The following ZEB1 variants were observed in gnomAD, a reference collection of about 807,000 sequenced individuals.
The protein encoded by ZEB1 is zinc finger E-box binding homeobox 1.
ZEB1 carries 21 observed loss-of-function variants against 84.9 expected under a neutral mutation model. The ratio of observed to expected loss-of-function variants is 0.25; its 90% CI spans 0.18 to 0.36. The LOEUF is 0.36. Among genes scored for constraint, ZEB1 ranks in the 10% least tolerant of loss-of-function variants. The pLI is 1.00. For missense variants in ZEB1, 1,104 were observed against 1,330.2 expected (o/e 0.83, Z 2.65); for synonymous variants, 420 against 471.1 (o/e 0.89, Z 1.41).
intron 2 of ZEB1, among the ~76,000 whole-genome samples, chr10:31,469,605 T>A (rs956617382): frequency 7.6e-4 from 115 of 152,142 alleles, no homozygotes; most frequent in African/African-American, 2.7e-3. Flanking sequence ...CAGTCTGAGA[T>A]CAAACTGCAA....
At chr10:31,497,456 CACGTA>C (rs1267023564) in intron 3 of ZEB1, among the ~76,000 whole-genome samples, 1 of 152,110 alleles carries the variant, frequency 6.6e-6, no homozygotes, top group Non-Finnish European at 1.5e-5. Flanking sequence ...AAATCTCCCC[CACGTA>C]CACAATGATG....
intron 2 of ZEB1, among the ~76,000 whole-genome samples, chr10:31,488,668 A>C (rs1328675805): frequency 6.6e-6 from 1 of 151,138 alleles, no homozygotes; most frequent in East Asian, 1.9e-4. Flanking sequence ...ATTTAATGCT[A>C]TAAATTCCCC....
At chr10:31,363,637 T>G (rs1451537198) in intron 1 of ZEB1, 1 of 1,484,836 alleles carries the variant, frequency 6.7e-7, no homozygotes, top group East Asian at 2.5e-5. Flanking sequence ...CACCTGATCA[T>G]CTAATGAAGG....
At chr10:31,319,399 G>A (rs909916081) in intron 1 of ZEB1, 107 bp downstream of exon 1, 14 of 1,125,960 alleles carry the variant, frequency 1.2e-5, no homozygotes, top group Admixed American at 4.1e-5. Flanking sequence ...GCCGGGGCAG[G>A]GACGGCAAAG....
At chr10:31,491,535 C>G (rs1199629921) in intron 2 of ZEB1, among the ~76,000 whole-genome samples, 1 of 151,752 alleles carries the variant, frequency 6.6e-6, no homozygotes, top group East Asian at 1.9e-4. Flanking sequence ...TTTAAGCTCC[C>G]TTGAATCCAG....
chr10:31,420,761 T>C (rs939779935), intron 1 of ZEB1, among the ~76,000 whole-genome samples: 2 of 152,168 alleles, frequency 1.3e-5, no homozygotes, highest in African/African-American at 4.8e-5. Context: ...TCAGTCATCT[T>C]AGAATTGTGG....
chr10:31,435,356 A>G (rs986852952), intron 1 of ZEB1, among the ~76,000 whole-genome samples: 1 of 152,246 alleles, frequency 6.6e-6, no homozygotes, highest in Non-Finnish European at 1.5e-5. Context: ...GAAATAATAA[A>G]TGTATGCTAT....
chr10:31,363,938 G>A (rs1347208610), intron 1 of ZEB1: 1 of 1,303,036 alleles, frequency 7.7e-7, no homozygotes, highest in South Asian at 1.5e-5. Context: ...GGAGCTGCAG[G>A]GTGAGCCCGG....
At chr10:31,511,837 T>C (rs1421803992) in intron 5 of ZEB1, among the ~76,000 whole-genome samples, 1 of 152,140 alleles carries the variant, frequency 6.6e-6, no homozygotes, top group Admixed American at 6.5e-5. Flanking sequence ...AAAAGAATTG[T>C]AACAGAAAAA....
At chr10:31,501,332 G>T in intron 3 of ZEB1, among the ~76,000 whole-genome samples, 1 of 152,304 alleles carries the variant, frequency 6.6e-6, no homozygotes, top group South Asian at 2.1e-4. Flanking sequence ...TTGGCAGCAC[G>T]CTGGGCTACC....
At chr10:31,514,795 A>C in intron 6 of ZEB1, 87 bp downstream of exon 6, 53 of 1,078,274 alleles carry the variant, frequency 4.9e-5, no homozygotes, top group Middle Eastern at 6.0e-4. Flanking sequence ...TACGTACATG[A>C]TCAGAAACTC....
At chr10:31,370,633 C>T (rs1311673520) in intron 1 of ZEB1, among the ~76,000 whole-genome samples, 1 of 152,000 alleles carries the variant, frequency 6.6e-6, no homozygotes, top group Non-Finnish European at 1.5e-5. Flanking sequence ...TTGCAATTTC[C>T]GGAGCTAATG....
chr10:31,514,486 A>G, intron 5 of ZEB1, 117 bp from the exon 6 acceptor site: 1 of 898,966 alleles, frequency 1.1e-6, no homozygotes, highest in East Asian at 2.7e-5. Context: ...TGAGGTCTTT[A>G]AGAAACAAAA....
intron 1 of ZEB1, among the ~76,000 whole-genome samples, chr10:31,368,563 ATTGTTTTG>A (rs1377482532): frequency 6.6e-6 from 1 of 151,564 alleles, no homozygotes; most frequent in Non-Finnish European, 1.5e-5. Context: ...ATTATTTTTT[ATTGTTTTG>A]TTGTTTTTTA....
chr10:31,500,832 A>G (rs2068015836), intron 3 of ZEB1, among the ~76,000 whole-genome samples: 1 of 152,220 alleles, frequency 6.6e-6, no homozygotes, highest in Non-Finnish European at 1.5e-5. Context: ...AGTCCAGCTT[A>G]CATTTTAAAA....
chr10:31,404,762 G>A (rs2052664267), intron 1 of ZEB1, among the ~76,000 whole-genome samples: 1 of 152,090 alleles, frequency 6.6e-6, no homozygotes, highest in Non-Finnish European at 1.5e-5. Flanking sequence ...TCTGAAGATA[G>A]TAGCATGCTT....
intron 3 of ZEB1, 64 bp downstream of exon 3, chr10:31,495,902 T>A: frequency 6.4e-7 from 1 of 1,571,832 alleles, no homozygotes; most frequent in Non-Finnish European, 8.8e-7. Flanking sequence ...GTCACTGATT[T>A]CGCATTTGTG....
At chr10:31,343,626 CAG>C in intron 1 of ZEB1, among the ~76,000 whole-genome samples, 1 of 152,098 alleles carries the variant, frequency 6.6e-6, no homozygotes, top group African/African-American at 2.4e-5. Context: ...TTAGGAAATT[CAG>C]AGTTAATCAA....
At chr10:31,471,572 T>C (rs1330233141) in intron 2 of ZEB1, among the ~76,000 whole-genome samples, 5 of 141,228 alleles carry the variant, frequency 3.5e-5, no homozygotes, top group African/African-American at 1.3e-4. Context: ...AAGTCCTGAG[T>C]GACCTACAAA....
Sources: gnomAD v4.1 joint callset for allele counts (sites outside exome capture counted in the v4.1 genomes callset) on GRCh38, gnomAD v4.1.1 for gene constraint, MANE v1.5 for transcripts, NCBI Gene and HGNC (gene_info 2026-07-23, HGNC 2026-07-21) for gene names.